KIAA1217: variants seen among roughly 807,000 people sequenced by gnomAD.
KIAA1217 encodes sickle tail protein homolog.
KIAA1217 carries 88 observed loss-of-function variants against 163.9 expected under a neutral mutation model. The observed-to-expected ratio is 0.54, with a 90% confidence interval of 0.45 to 0.64. KIAA1217 has a LOEUF of 0.64. KIAA1217 is among the 30% of genes least tolerant of loss of function. The pLI, the probability that KIAA1217 is intolerant of heterozygous loss-of-function variation, is 0.00. For missense variants in KIAA1217, 2,372 were observed against 2,475.0 expected (o/e 0.96, Z 0.88); for synonymous variants, 903 against 923.1 (o/e 0.98, Z 0.39).
intron 2 of KIAA1217, among the ~76,000 whole-genome samples, chr10:24,024,721 A>G (rs527725390): frequency 2.5e-4 from 38 of 151,832 alleles, no homozygotes; most frequent in African/African-American, 8.7e-4. Flanking sequence ...CATTCTCACC[A>G]TAATTTGGTA....
At chr10:24,079,437 T>A (rs767352606) in intron 2 of KIAA1217, among the ~76,000 whole-genome samples, 1 of 152,178 alleles carries the variant, frequency 6.6e-6, no homozygotes, top group Non-Finnish European at 1.5e-5. Context: ...TGTCTCTGTA[T>A]AAGCAGAATG....
intron 5 of KIAA1217, among the ~76,000 whole-genome samples, chr10:24,443,613 A>G (rs2060680730): frequency 6.6e-6 from 1 of 151,942 alleles, no homozygotes; most frequent in Non-Finnish European, 1.5e-5. Context: ...CTTCTGTACC[A>G]TAATAACAAA....
At chr10:24,078,321 G>A (rs1271868646) in intron 2 of KIAA1217, among the ~76,000 whole-genome samples, 1 of 152,176 alleles carries the variant, frequency 6.6e-6, no homozygotes, top group African/African-American at 2.4e-5. Flanking sequence ...CCGTGATGGA[G>A]CAGTGCCCTG....
intron 3 of KIAA1217, among the ~76,000 whole-genome samples, chr10:24,389,885 G>A (rs1022215071): frequency 6.2e-5 from 9 of 144,166 alleles, no homozygotes; most frequent in Non-Finnish European, 7.5e-5. Flanking sequence ...CAGCTTGATC[G>A]GGTTGAGACT....
At chr10:24,489,437 A>G (rs1185465793) in intron 6 of KIAA1217, among the ~76,000 whole-genome samples, 2 of 152,112 alleles carry the variant, frequency 1.3e-5, no homozygotes, top group African/African-American at 4.8e-5. Context: ...CCAGCTTCAT[A>G]TGCTACTGAC....
chr10:24,037,683 T>C (rs150643747), intron 2 of KIAA1217, among the ~76,000 whole-genome samples: 25 of 152,334 alleles, frequency 1.6e-4, no homozygotes, highest in Non-Finnish European at 3.2e-4. Context: ...ATAAGCTTTA[T>C]AGGTGTGTAC....
chr10:23,974,309 C>T lies in KIAA1217; in HGVS notation c.-320-32916C>T, dbSNP rs372731321. On this transcript the variant is annotated intron_variant, in intron 1 of 18. Transcript: ENST00000376462. ...TGAGGATGCTAACAACTATACAATA[C>T]ATAGCCTCAAGAGACCAGGGGCCTG... is the stretch of plus-strand genomic sequence containing the variant. Among the ~76,000 whole-genome samples the T allele has an allele frequency of 5.3e-5, 8 of 152,264 alleles. 1 individual carries two copies. In the South Asian group the frequency reaches 8.3e-4, roughly 16 times the overall value.
intron 5 of KIAA1217, among the ~76,000 whole-genome samples, chr10:24,439,664 T>TCC (rs1554870103): frequency 6.6e-6 from 1 of 150,966 alleles, no homozygotes; most frequent in African/African-American, 2.4e-5. Context: ...TTTTTTTTTT[T>TCC]CCCCCAACTT....
intron 1 of KIAA1217, among the ~76,000 whole-genome samples, chr10:23,972,948 G>T (rs1845381209): frequency 6.6e-6 from 1 of 152,066 alleles, no homozygotes. Context: ...CACACACTGG[G>T]GCCTGTTGGG....
In KIAA1217 at chr10:24,513,348, G is replaced by C; in HGVS notation, c.2091G>C (p.Glu697Asp). ...GKVMETMKRL[E>D]DPVQRQRVLV... is the part of the protein sequence containing the mutation. ...TGATGGAAACAATGAAGAGACTGGA[G>C]GATCCCGTGCAGCGACAGCGCGTCC... Residue 697 changes from glutamate to aspartate, a missense_variant, in exon 10 of 21, where the codon GAG becomes GAC. Glu to Asp is a conservative substitution (Grantham distance 45). Transcript: ENST00000376454. 2 of 1,614,186 alleles carry C rather than the reference G, an allele frequency of 1.2e-6. No homozygotes were observed. Among genetic ancestry groups the C allele is most frequent in the Non-Finnish European group, 1.7e-6 (2 of 1,180,028 alleles).
chr10:24,446,664 C>T (rs957255054), intron 5 of KIAA1217, among the ~76,000 whole-genome samples: 2 of 152,214 alleles, frequency 1.3e-5, no homozygotes, highest in Admixed American at 6.5e-5. Context: ...CATGCAATGA[C>T]AACGGTATCA....
At chr10:24,541,834 A>T (rs2075141341) in intron 17 of KIAA1217, among the ~76,000 whole-genome samples, 1 of 152,220 alleles carries the variant, frequency 6.6e-6, no homozygotes, top group Admixed American at 6.5e-5. Flanking sequence ...CTGAGTCGTG[A>T]CGTCACCGTC....
chr10:24,453,255 T>C (rs945596036), intron 5 of KIAA1217, among the ~76,000 whole-genome samples: 1 of 130,088 alleles, frequency 7.7e-6, no homozygotes, highest in Non-Finnish European at 1.8e-5. Context: ...AGAAAAACAC[T>C]ATCTATTTGA....
chr10:24,094,648 G>A (rs1164288505), intron 2 of KIAA1217, among the ~76,000 whole-genome samples: 2 of 152,236 alleles, frequency 1.3e-5, no homozygotes, highest in Non-Finnish European at 2.9e-5. Flanking sequence ...CCTACTGGGG[G>A]ATGCCTCCCA....
intron 1 of KIAA1217, among the ~76,000 whole-genome samples, chr10:23,737,564 G>A (rs1838882398): frequency 6.6e-6 from 1 of 151,770 alleles, no homozygotes; most frequent in African/African-American, 2.4e-5. Context: ...TCTCCTCATT[G>A]CCCCCAAAGA....
intron 13 of KIAA1217, among the ~76,000 whole-genome samples, chr10:24,525,087 G>T (rs117229608): frequency 0.059 from 8,962 of 152,140 alleles, 372 homozygotes; most frequent in South Asian, 0.12. Flanking sequence ...GGCGGGGTGG[G>T]GGGGCAGAGT....
At chr10:24,106,801 T>G (rs1268651384) in intron 2 of KIAA1217, among the ~76,000 whole-genome samples, 1 of 152,220 alleles carries the variant, frequency 6.6e-6, no homozygotes, top group African/African-American at 2.4e-5. Flanking sequence ...TGCCTGTCCT[T>G]TGGAAAATCC....
In KIAA1217 at chr10:23,702,666, T is replaced by TACACACAC. The variant is rs377621544; in HGVS notation, c.-321+7468_-321+7475dup. Among the ~76,000 whole-genome samples, 904 of 134,410 alleles carry TACACACAC rather than the reference T, an allele frequency of 6.7e-3. 5 individuals carry two copies. The highest frequency in any genetic ancestry group is 0.015 in the Middle Eastern group (4 of 266). The allele number at this position is 134,410 out of a possible 152,430, so 88.2% of individuals were successfully genotyped here. On this transcript the variant is annotated intron_variant, in intron 1 of 18. Coordinates refer to the KIAA1217 transcript ENST00000376462. ...TAGTTTACTTAACAGAACAGGAGAA[T>TACACACAC]ACACACACACACACACACACACACA...
chr10:24,435,961 A>G (rs1440113419), intron 4 of KIAA1217, among the ~76,000 whole-genome samples: 1 of 152,092 alleles, frequency 6.6e-6, no homozygotes, highest in South Asian at 2.1e-4. Flanking sequence ...CCTGGGTTCA[A>G]GTAATTCTCA....
Sources: gnomAD v4.1 joint callset for allele counts (sites outside exome capture counted in the v4.1 genomes callset) on GRCh38, gnomAD v4.1.1 for gene constraint, MANE v1.5 for transcripts, NCBI Gene and HGNC (gene_info 2026-07-23, HGNC 2026-07-21) for gene names.